Variants in CLDN4 observed in about 807,000 individuals in gnomAD.
CLDN4 encodes claudin 4.
In CLDN4, 12 loss-of-function variants were observed where a neutral mutation model predicts 13.7. The ratio of observed to expected loss-of-function variants is 0.88; its 90% CI spans 0.56 to 1.42. The LOEUF is 1.42. Ranked by LOEUF, CLDN4 falls within the 40% of genes most tolerant of loss-of-function variation. The pLI is 0.00. For missense variants in CLDN4, 252 were observed against 297.4 expected (o/e 0.85, Z 1.12); for synonymous variants, 152 against 140.6 (o/e 1.08, Z -0.57).
Position 73,832,515 on chromosome 7 carries a change from G to A in CLDN4, c.*684G>A, listed in dbSNP as rs1788056253. On this transcript the variant is annotated 3_prime_UTR_variant, in exon 1 of 1. Coordinates refer to ENST00000340958, the MANE Select transcript of CLDN4 (RefSeq NM_001305.5). ...CCTCTGAGTCCTCTGCCCCTTCCAA[G>A]GACACTAATGAGCCTGGGAGGGTGG... The A allele has an allele frequency of 6.0e-6, 1 of 167,064 alleles. No homozygotes were observed. The highest frequency in any genetic ancestry group is 1.5e-5 in the Non-Finnish European group (1 of 68,154). The allele number at this position is 167,064 out of a possible 1,614,324, so 10.3% of individuals were successfully genotyped here.
rs782062913 is a variant in CLDN4, at chr7:73,831,627, C to T, written c.426C>T (p.Asn142=). The T allele has an allele frequency of 2.5e-5, 40 of 1,614,162 alleles. No homozygotes were observed. The highest frequency in any genetic ancestry group is 3.2e-5 in the Non-Finnish European group (38 of 1,179,984). ...VIVPVSWTAH[N]IIQDFYNPLV... ...TGCCGGTGTCCTGGACGGCCCACAA[C>T]ATCATCCAAGACTTCTACAATCCGC... The change falls in exon 1 of 1, where the codon AAC becomes AAT. Residue 142 remains asparagine, a synonymous_variant. Transcript: ENST00000340958.
rs2130520965 is a variant in CLDN4, at chr7:73,831,113, AAGTCCGTCCCC to A, written c.-86_-76del. On this transcript the variant is annotated 5_prime_UTR_variant, in exon 1 of 1. Coordinates refer to ENST00000340958, the MANE Select transcript of CLDN4 (RefSeq NM_001305.5). ...TGCAAAGGTGCACTCTGCGAACGTT[AAGTCCGTCCCC>A]AGCGCTTGGAATCCTACGGCCCCCA... The A allele has an allele frequency of 1.4e-6, 2 of 1,450,424 alleles. No homozygotes were observed. The highest frequency in any genetic ancestry group is 4.6e-5 in the East Asian group (2 of 43,670). 89.8% of individuals were successfully genotyped at this position (1,450,424 alleles called of 1,614,324 possible).
Position 73,831,015 on chromosome 7 carries a change from C to T in CLDN4, c.-187C>T, listed in dbSNP as rs1788016205. The T allele has an allele frequency of 4.9e-6, 3 of 606,786 alleles. No homozygotes were observed. The highest frequency in any genetic ancestry group is 3.0e-5 in the East Asian group (1 of 32,952). The allele number at this position is 606,786 out of a possible 1,614,324, so 37.6% of individuals were successfully genotyped here. A position where few individuals can be genotyped will look rare whatever the true frequency, so the allele number is the denominator to read the frequency against. ...CGAGAGAGAGTGCCCTGGCAGCTGTCGGCTGGAAGGAACTGGTCTGCTCAC... is the reference window on the plus strand; with the variant it reads ...CGAGAGAGAGTGCCCTGGCAGCTGTTGGCTGGAAGGAACTGGTCTGCTCAC... On this transcript the variant is annotated 5_prime_UTR_variant, in exon 1 of 1. Coordinates refer to ENST00000340958, the MANE Select transcript of CLDN4 (RefSeq NM_001305.5).
Position 73,831,396 on chromosome 7 carries a change from G to C in CLDN4, c.195G>C (p.Lys65Asn). The change falls in exon 1 of 1, where the codon AAG becomes AAC. Residue 65 changes from lysine (K) to asparagine (N), a missense_variant. Physicochemically the swap from Lys to Asn is moderately conservative, Grantham distance 94. Coordinates refer to ENST00000340958, the MANE Select transcript of CLDN4 (RefSeq NM_001305.5). The part of the protein sequence containing the change: ...VVQSTGQMQC[K>N]VYDSLLALPQ... ...AGAGCACCGGCCAGATGCAGTGCAAGGTGTACGACTCGCTGCTGGCACTGC... is the reference window on the plus strand; with the variant it reads ...AGAGCACCGGCCAGATGCAGTGCAACGTGTACGACTCGCTGCTGGCACTGC... 6.2e-7 allele frequency: 1 copy of C among 1,614,114 alleles called. No individual in the cohort carries two copies. Among genetic ancestry groups the C allele is most frequent in the African/African-American group, 1.3e-5 (1 of 75,072 alleles).
Position 73,831,369 on chromosome 7 carries a change from G to A in CLDN4, c.168G>A (p.Val56=), listed in dbSNP as rs1554634061. The A allele has an allele frequency of 6.2e-7, 1 of 1,614,048 alleles. No homozygotes were observed. Among genetic ancestry groups the A allele is most frequent in the South Asian group, 1.1e-5 (1 of 91,074 alleles). ...AGGGCCTATGGATGAACTGCGTGGTGCAGAGCACCGGCCAGATGCAGTGCA... is the reference window on the plus strand; with the variant it reads ...AGGGCCTATGGATGAACTGCGTGGTACAGAGCACCGGCCAGATGCAGTGCA... The part of the protein sequence containing the change: ...IWEGLWMNCV[V]QSTGQMQCKV... Residue 56 remains valine (V), a synonymous_variant, in exon 1 of 1, where the codon GTG becomes GTA. Transcript: ENST00000340958.
Position 73,831,462 on chromosome 7 carries a change from C to T in CLDN4, c.261C>T (p.Ser87=). ...LQAARALVII[S]IIVAALGVLL... ...CGGCCCGCGCCCTCGTCATCATCAG[C>T]ATCATCGTGGCTGCTCTGGGCGTGC... Residue 87 remains serine (S), a synonymous_variant, in exon 1 of 1, where the codon AGC becomes AGT. Coordinates refer to ENST00000340958, the MANE Select transcript of CLDN4 (RefSeq NM_001305.5). 6.2e-7 allele frequency: 1 copy of T among 1,614,230 alleles called. No individual in the cohort carries two copies. The highest frequency in any genetic ancestry group is 8.5e-7 in the Non-Finnish European group (1 of 1,180,038).
At position 73,831,416 on chromosome 7, in the gene CLDN4, C is replaced by G. The variant is rs1226802610; in HGVS notation, c.215C>G (p.Ala72Gly). 6.2e-7 allele frequency: 1 copy of G among 1,614,138 alleles called. No homozygotes were observed. The highest frequency in any genetic ancestry group is 1.1e-5 in the South Asian group (1 of 91,082). ...TGCAAGGTGTACGACTCGCTGCTGG[C>G]ACTGCCGCAGGACCTGCAGGCGGCC... Reference protein sequence around the residue: ...MQCKVYDSLLALPQDLQAARA... With the variant: ...MQCKVYDSLLGLPQDLQAARA... Residue 72 changes from alanine to glycine, a missense_variant, in exon 1 of 1, where the codon GCA (alanine) becomes GGA (glycine). Physicochemically the swap from Ala to Gly is moderately conservative, Grantham distance 60 (BLOSUM62 0). Transcript: ENST00000340958.
chr7:73,831,471 G>A lies in CLDN4; in HGVS notation c.270G>A (p.Val90=), dbSNP rs1219687716. 1.2e-6 allele frequency: 2 copies of A among 1,614,076 alleles called. No homozygotes were observed. The highest frequency in any genetic ancestry group is 2.7e-5 in the African/African-American group (2 of 74,944). The change falls in exon 1 of 1, where the codon GTG becomes GTA. Residue 90 remains valine, a synonymous_variant. Transcript: ENST00000340958. The part of the protein sequence containing the change: ...ARALVIISII[V]AALGVLLSVV... ...CCCTCGTCATCATCAGCATCATCGT[G>A]GCTGCTCTGGGCGTGCTGCTGTCCG... is the stretch of plus-strand genomic sequence containing the variant.
rs1554634058 is a variant in CLDN4, at chr7:73,831,363, C to T, written c.162C>T (p.Cys54=). 3 of 1,613,922 alleles carry T rather than the reference C, an allele frequency of 1.9e-6. No homozygotes were observed. Among genetic ancestry groups the T allele is most frequent in the South Asian group, 1.1e-5 (1 of 91,090 alleles). The change falls in exon 1 of 1, where the codon TGC becomes TGT. Residue 54 remains cysteine (C), a synonymous_variant. Coordinates refer to ENST00000340958, the MANE Select transcript of CLDN4 (RefSeq NM_001305.5). ...QTIWEGLWMN[C]VVQSTGQMQC... is the part of the protein sequence containing the mutation. ...TCTGGGAGGGCCTATGGATGAACTGCGTGGTGCAGAGCACCGGCCAGATGC... is the reference window on the plus strand; with the variant it reads ...TCTGGGAGGGCCTATGGATGAACTGTGTGGTGCAGAGCACCGGCCAGATGC...
Position 73,831,591 on chromosome 7 carries a change from T to C in CLDN4, c.390T>C (p.Leu130=). The change falls in exon 1 of 1, where the codon CTT becomes CTC. Residue 130 remains leucine, a synonymous_variant. Transcript: ENST00000340958. ...VAGVVFLLAG[L]MVIVPVSWTA... Reference sequence around the variant, plus strand: ...GCGTGGTGTTCCTGTTGGCCGGCCTTATGGTGATAGTGCCGGTGTCCTGGA... The same window carrying C: ...GCGTGGTGTTCCTGTTGGCCGGCCTCATGGTGATAGTGCCGGTGTCCTGGA... 6.2e-7 allele frequency: 1 copy of C among 1,614,142 alleles called. No individual in the cohort carries two copies. Among genetic ancestry groups the C allele is most frequent in the Non-Finnish European group, 8.5e-7 (1 of 1,179,990 alleles).
At position 73,832,042 on chromosome 7, in the gene CLDN4, C is replaced by G. The variant is rs1450361629; in HGVS notation, c.*211C>G. On this transcript the variant is annotated 3_prime_UTR_variant, in exon 1 of 1. Transcript: ENST00000340958. ...CAAGGCCGCCTCCTGCTAGCAAGAA[C>G]AGAGTCCACCCTCCTCTGGATATTG... is the stretch of plus-strand genomic sequence containing the variant. 1.9e-5 allele frequency: 11 copies of G among 574,782 alleles called. No homozygotes were observed. In the East Asian group the frequency reaches 2.9e-4, roughly 15 times the overall value. The allele number at this position is 574,782 out of a possible 1,614,324, so 35.6% of individuals were successfully genotyped here. A position where few individuals can be genotyped will look rare whatever the true frequency, so the allele number is the denominator to read the frequency against.
rs781864754 is a variant in CLDN4, at chr7:73,831,438, G to GGCCCGC, written c.242_247dup (p.Arg81_Ala82dup). 6.2e-7 allele frequency: 1 copy of GGCCCGC among 1,614,146 alleles called. No homozygotes were observed. Among genetic ancestry groups the GGCCCGC allele is most frequent in the Non-Finnish European group, 8.5e-7 (1 of 1,180,024 alleles). ...TGGCACTGCCGCAGGACCTGCAGGC[G>GGCCCGC]GCCCGCGCCCTCGTCATCATCAGCA... is the stretch of plus-strand genomic sequence containing the variant. On this transcript the variant is annotated inframe_insertion, in exon 1 of 1. Transcript: ENST00000340958.
In CLDN4 at chr7:73,831,034, T is replaced by C; in HGVS notation, c.-168T>C. The C allele has an allele frequency of 1.3e-6, 1 of 760,642 alleles. No individual in the cohort carries two copies. The highest frequency in any genetic ancestry group is 2.7e-5 in the East Asian group (1 of 36,852). 47.1% of individuals were successfully genotyped at this position (760,642 alleles called of 1,614,324 possible). ...AGCTGTCGGCTGGAAGGAACTGGTC[T>C]GCTCACACTTGCTGGCTTGCGCATC... On this transcript the variant is annotated 5_prime_UTR_variant, in exon 1 of 1. Coordinates refer to ENST00000340958, the MANE Select transcript of CLDN4 (RefSeq NM_001305.5).
Position 73,831,696 on chromosome 7 carries a change from C to A in CLDN4, c.495C>A (p.Tyr165Ter), listed in dbSNP as rs141788310. 6.2e-7 allele frequency: 1 copy of A among 1,614,118 alleles called. No individual in the cohort carries two copies. Among genetic ancestry groups the A allele is most frequent in the Non-Finnish European group, 8.5e-7 (1 of 1,180,016 alleles). ...AGCGGGAGATGGGTGCCTCGCTCTA[C>A]GTCGGCTGGGCCGCCTCCGGCCTGC... ...GQKREMGASLYVGWAASGLLL... is the reference protein window; with the variant it reads ...GQKREMGASL Residue 165 changes from tyrosine to a stop codon, truncating the protein, a stop_gained, in exon 1 of 1, where the codon TAC becomes TAA. Transcript: ENST00000340958. LOFTEE classifies it high-confidence loss of function.
Position 73,831,717 on chromosome 7 carries a change from C to T in CLDN4, c.516C>T (p.Gly172=). 6.2e-7 allele frequency: 1 copy of T among 1,613,762 alleles called. No homozygotes were observed. The highest frequency in any genetic ancestry group is 8.5e-7 in the Non-Finnish European group (1 of 1,179,838). ...ASLYVGWAAS[G]LLLLGGGLLC... ...TCTACGTCGGCTGGGCCGCCTCCGG[C>T]CTGCTGCTCCTTGGCGGGGGGCTGC... is the stretch of plus-strand genomic sequence containing the variant. The change falls in exon 1 of 1, where the codon GGC becomes GGT. Residue 172 remains glycine, a synonymous_variant. Transcript: ENST00000340958.
In CLDN4 at chr7:73,832,246, CT is replaced by C; in HGVS notation, c.*416del. 5.1e-6 allele frequency: 1 copy of C among 196,418 alleles called. No individual in the cohort carries two copies. Among genetic ancestry groups the C allele is most frequent in the Non-Finnish European group, 1.1e-5 (1 of 87,186 alleles). The allele number at this position is 196,418 out of a possible 1,614,324, so 12.2% of individuals were successfully genotyped here. ...TGTTCCGGGTAGGCCTTGATATCAC[CT>C]CTGGGACTGTGCCTTGCTCACCGAA... On this transcript the variant is annotated 3_prime_UTR_variant, in exon 1 of 1. Transcript: ENST00000340958.
rs1350549923 is a variant in CLDN4, at chr7:73,831,837, C to T, written c.*6C>T. The T allele has an allele frequency of 6.4e-7, 1 of 1,560,136 alleles. No homozygotes were observed. Among genetic ancestry groups the T allele is most frequent in the African/African-American group, 1.3e-5 (1 of 74,098 alleles). ...CTGCCAGCAACTACGTGTAAGGTGC[C>T]ACGGCTCCACTCTGTTCCTCTCTGC... is the stretch of plus-strand genomic sequence containing the variant. On this transcript the variant is annotated 3_prime_UTR_variant, in exon 1 of 1. Coordinates refer to ENST00000340958, the MANE Select transcript of CLDN4 (RefSeq NM_001305.5).
In CLDN4 at chr7:73,831,408, G is replaced by C; in HGVS notation, c.207G>C (p.Ser69=). The change falls in exon 1 of 1, where the codon TCG becomes TCC. Residue 69 remains serine (S), a synonymous_variant. Coordinates refer to ENST00000340958, the MANE Select transcript of CLDN4 (RefSeq NM_001305.5). ...AGATGCAGTGCAAGGTGTACGACTC[G>C]CTGCTGGCACTGCCGCAGGACCTGC... is the stretch of plus-strand genomic sequence containing the variant. ...TGQMQCKVYD[S]LLALPQDLQA... 6.2e-7 allele frequency: 1 copy of C among 1,614,144 alleles called. No individual in the cohort carries two copies. The highest frequency in any genetic ancestry group is 1.1e-5 in the South Asian group (1 of 91,078).
Position 73,831,063 on chromosome 7 carries a change from A to G in CLDN4, c.-139A>G. ...CACACTTGCTGGCTTGCGCATCAGGACTGGCTTTATCTCCTGACTCACGGT... is the reference window on the plus strand; with the variant it reads ...CACACTTGCTGGCTTGCGCATCAGGGCTGGCTTTATCTCCTGACTCACGGT... On this transcript the variant is annotated 5_prime_UTR_variant, in exon 1 of 1. Transcript: ENST00000340958. The G allele has an allele frequency of 9.3e-7, 1 of 1,078,604 alleles. No homozygotes were observed. The highest frequency in any genetic ancestry group is 1.3e-6 in the Non-Finnish European group (1 of 755,426). 66.8% of individuals were successfully genotyped at this position (1,078,604 alleles called of 1,614,324 possible). A position where few individuals can be genotyped will look rare whatever the true frequency, so the allele number is the denominator to read the frequency against.
Sources: allele counts gnomAD v4.1 joint callset, GRCh38; gene constraint gnomAD v4.1.1; transcripts MANE v1.5; gene names NCBI Gene and HGNC (gene_info 2026-07-23, HGNC 2026-07-21).